MMP24: variants seen among roughly 807,000 people sequenced by gnomAD.
The protein encoded by MMP24 is matrix metalloproteinase-24.
MMP24 carries 25 observed loss-of-function variants against 62.8 expected under a neutral mutation model. The ratio of observed to expected loss-of-function variants is 0.40; its 90% confidence interval spans 0.29 to 0.56. The LOEUF (loss-of-function observed/expected upper bound fraction) is 0.56, where lower values mean the gene tolerates loss of function less well. MMP24 is among the 20% of genes least tolerant of loss of function. MMP24 has a pLI of 0.50. For missense variants in MMP24, 634 were observed against 853.6 expected, an observed-to-expected ratio of 0.74 and a Z score of 3.21; for synonymous variants, 319 against 350.5, an observed-to-expected ratio of 0.91 and a Z score of 1.00.
rs748724285 is a variant in MMP24, at chr20:35,269,847, C to G, written c.1282C>G (p.Arg428Gly). Residue 428 changes from arginine (R) to glycine (G), a missense_variant, in exon 7 of 9, where the codon CGC becomes GGC. Arg to Gly is a moderately radical substitution (Grantham distance 125). Transcript: ENST00000246186. The surrounding 1 kb of genome is among the most constrained non-coding windows in gnomAD (Gnocchi z 4.6). ...GCAGTTCTGGAAGGGCCTGCCTGCC[C>G]GCATCGACGCAGCCTATGAAAGGGC... is the stretch of plus-strand genomic sequence containing the variant. ...IEQFWKGLPARIDAAYERADG... is the reference protein window; with the variant it reads ...IEQFWKGLPAGIDAAYERADG... The G allele has an allele frequency of 3.4e-5, 53 of 1,553,994 alleles. 2 individuals carry two copies. The South Asian group carries it at 6.3e-4, about 18-fold the overall frequency.
At chr20:35,233,354 AG>A (rs2060446352) in intron 1 of MMP24, among the ~76,000 whole-genome samples, 1 of 152,086 alleles carries the variant, frequency 6.6e-6, no homozygotes, top group African/African-American at 2.4e-5. Context: ...GGTTACAGTG[AG>A]CCAGGATTGA....
At position 35,276,525 on chromosome 20, in the gene MMP24, G is replaced by A. The variant is rs1229593556; in HGVS notation, c.*1916G>A. 2.6e-6 allele frequency: 1 copy of A among 385,022 alleles called. No individual in the cohort carries two copies. Among genetic ancestry groups the A allele is most frequent in the African/African-American group, 2.1e-5 (1 of 48,402 alleles). The allele number at this position is 385,022 out of a possible 1,614,324, so 23.9% of individuals were successfully genotyped here. On this transcript the variant is annotated 3_prime_UTR_variant, in exon 9 of 9. Coordinates refer to ENST00000246186, the MANE Select transcript of MMP24 (RefSeq NM_006690.4). ...GGCTGGGTCTTGTGTCCCCATCTGTGGACCCCTCTAGGGTCTGAGATGAGA... is the reference window on the plus strand; with the variant it reads ...GGCTGGGTCTTGTGTCCCCATCTGTAGACCCCTCTAGGGTCTGAGATGAGA...
intron 4 of MMP24, among the ~76,000 whole-genome samples, chr20:35,261,009 A>G (rs962121128): frequency 1.8e-4 from 27 of 152,210 alleles, no homozygotes; most frequent in Non-Finnish European, 3.8e-4. Context: ...GGGCCGAGCC[A>G]TGCCTTAGGG....
chr20:35,272,284 G>A, intron 8 of MMP24: 1 of 413,048 alleles, frequency 2.4e-6, no homozygotes, highest in South Asian at 9.7e-5. Flanking sequence ...CGCCTAGGCT[G>A]GAATGCTGTG....
At chr20:35,253,868 GTT>G (rs11474068) in intron 3 of MMP24, among the ~76,000 whole-genome samples, 11 of 130,060 alleles carry the variant, frequency 8.5e-5, no homozygotes, top group Non-Finnish European at 1.1e-4. Context: ...TTTCCTTTGG[GTT>G]TTTTTTTTTT....
chr20:35,273,764 A>G (rs1267594722), intron 8 of MMP24, among the ~76,000 whole-genome samples: 1 of 152,220 alleles, frequency 6.6e-6, no homozygotes, highest in Middle Eastern at 3.2e-3. Context: ...CCTCTCTCCC[A>G]GAAGGCTCCC....
chr20:35,247,883 A>G (rs1353315842), intron 2 of MMP24, among the ~76,000 whole-genome samples: 3 of 152,172 alleles, frequency 2.0e-5, no homozygotes, highest in Admixed American at 6.5e-5. Flanking sequence ...AAGAGGTGGC[A>G]AGTGGAGGGA....
intron 4 of MMP24, chr20:35,263,028 T>TC (rs2060612494): frequency 6.6e-6 from 1 of 152,328 alleles, no homozygotes; most frequent in East Asian, 1.9e-4. Flanking sequence ...AAATGGAGTC[T>TC]CCTATGTCTA....
intron 1 of MMP24, among the ~76,000 whole-genome samples, chr20:35,241,150 C>T (rs1037617350): frequency 3.9e-4 from 59 of 152,188 alleles, no homozygotes; most frequent in East Asian, 5.8e-4. Flanking sequence ...CTTGCTATGA[C>T]TGGAATGTAG....
Position 35,274,743 on chromosome 20 carries a change from G to T in MMP24, c.*134G>T. 1.3e-6 allele frequency: 1 copy of T among 787,736 alleles called. No individual in the cohort carries two copies. 48.8% of individuals were successfully genotyped at this position (787,736 alleles called of 1,614,324 possible). A position where few individuals can be genotyped will look rare whatever the true frequency, so the allele number is the denominator to read the frequency against. ...GCTGGGGTCGTACAGCTGAAGTGGTGGGTGCATTGGCCTAGGCTGAGCGTG... is the reference window on the plus strand; with the variant it reads ...GCTGGGGTCGTACAGCTGAAGTGGTTGGTGCATTGGCCTAGGCTGAGCGTG... On this transcript the variant is annotated 3_prime_UTR_variant, in exon 9 of 9. Coordinates refer to ENST00000246186, the MANE Select transcript of MMP24 (RefSeq NM_006690.4). This position sits in a 1 kb window ranked among gnomAD's most constrained non-coding sequence, Gnocchi z 5.1.
At chr20:35,231,933 T>C (rs1430341820) in intron 1 of MMP24, among the ~76,000 whole-genome samples, 1 of 152,124 alleles carries the variant, frequency 6.6e-6, no homozygotes, top group Non-Finnish European at 1.5e-5. Flanking sequence ...ATGCCTGTAA[T>C]CCCAGCTGCT....
Position 35,269,821 on chromosome 20 carries a change from A to G in MMP24, c.1256A>G (p.Glu419Gly), listed in dbSNP as rs1211362532. Reference protein sequence around the residue: ...RVQEGYPMQIEQFWKGLPARI... With the variant: ...RVQEGYPMQIGQFWKGLPARI... The stretch of plus-strand genomic sequence containing the variant: ...CAGGAGGGCTACCCCATGCAGATCG[A>G]GCAGTTCTGGAAGGGCCTGCCTGCC... Residue 419 changes from glutamate to glycine, a missense_variant, in exon 7 of 9, where the codon GAG becomes GGG. By Grantham distance (98) the Glu-to-Gly change is moderately conservative (BLOSUM62 -2). Around this residue, in one of 3 missense-constraint regions of MMP24, gnomAD observed 399 missense variants for 530.8 expected, o/e 0.75. Transcript: ENST00000246186. The surrounding 1 kb of genome is among the most constrained non-coding windows in gnomAD (Gnocchi z 4.6). The G allele has an allele frequency of 1.9e-6, 3 of 1,564,416 alleles. No homozygotes were observed. Among genetic ancestry groups the G allele is most frequent in the South Asian group, 2.4e-5 (2 of 84,572 alleles).
chr20:35,269,141 C>T lies in MMP24; in HGVS notation c.1195-619C>T, dbSNP rs895077996. Among the ~76,000 whole-genome samples the T allele has an allele frequency of 4.6e-5, 7 of 152,122 alleles. No homozygotes were observed. The highest frequency in any genetic ancestry group is 2.0e-4 in the Admixed American group (3 of 15,272). On this transcript the variant is annotated intron_variant, in intron 6 of 8. Coordinates refer to ENST00000246186, the MANE Select transcript of MMP24 (RefSeq NM_006690.4). The surrounding 1 kb of genome is among the most constrained non-coding windows in gnomAD (Gnocchi z 4.6). Reference sequence around the variant, plus strand: ...TTACAAGAGGCGTTTTTACTGGACTCGGACTATTTAGCTGCCATTTACTCA... The same window carrying T: ...TTACAAGAGGCGTTTTTACTGGACTTGGACTATTTAGCTGCCATTTACTCA...
In MMP24 at chr20:35,275,797, C is replaced by T. The variant is rs1434278334; in HGVS notation, c.*1188C>T. The stretch of plus-strand genomic sequence containing the variant: ...CCCAGAGCTTGGCCCTTGCTGACCT[C>T]GCTCACTGGGCCCATCTTCCCACAC... On this transcript the variant is annotated 3_prime_UTR_variant, in exon 9 of 9. Coordinates refer to ENST00000246186, the MANE Select transcript of MMP24 (RefSeq NM_006690.4). The T allele has an allele frequency of 1.3e-5, 5 of 388,416 alleles. No homozygotes were observed. The highest frequency in any genetic ancestry group is 6.5e-4 in the Middle Eastern group (1 of 1,540). 24.1% of individuals were successfully genotyped at this position (388,416 alleles called of 1,614,324 possible).
intron 2 of MMP24, among the ~76,000 whole-genome samples, chr20:35,248,072 T>C (rs1472848416): frequency 1.3e-5 from 2 of 151,860 alleles, no homozygotes; most frequent in African/African-American, 4.8e-5. Flanking sequence ...CAGGAGTGAG[T>C]TTCCTAAGGA....
intron 1 of MMP24, among the ~76,000 whole-genome samples, chr20:35,246,262 G>A (rs1002053159): frequency 1.3e-5 from 2 of 149,604 alleles, no homozygotes; most frequent in Admixed American, 6.7e-5. Context: ...AGACCATCCT[G>A]GGTAACATAG....
intron 1 of MMP24, among the ~76,000 whole-genome samples, chr20:35,234,730 A>G (rs1162884600): frequency 6.6e-6 from 1 of 152,216 alleles, no homozygotes; most frequent in East Asian, 1.9e-4. Flanking sequence ...TAAAGGGTAG[A>G]AGGTACAGGA....
chr20:35,244,435 A>G (rs1212363550), intron 1 of MMP24, among the ~76,000 whole-genome samples: 1 of 151,540 alleles, frequency 6.6e-6, no homozygotes, highest in Non-Finnish European at 1.5e-5. Context: ...TTTGGGTGGG[A>G]ATAATTTTTT....
intron 2 of MMP24, among the ~76,000 whole-genome samples, chr20:35,251,165 C>G (rs889154783): frequency 6.8e-6 from 1 of 147,816 alleles, no homozygotes; most frequent in Non-Finnish European, 1.5e-5. Flanking sequence ...CTTGCCCAGG[C>G]TGGAGCACAA....
Sources: allele counts gnomAD v4.1 joint callset (sites outside exome capture counted in the v4.1 genomes callset), GRCh38; gene constraint gnomAD v4.1.1; regional missense constraint gnomAD v4.1.1; non-coding constraint Gnocchi (gnomAD v3.1); transcripts MANE v1.5; gene names NCBI Gene and HGNC (gene_info 2026-07-23, HGNC 2026-07-21).